Variants in RHOU observed in about 807,000 individuals in gnomAD.
RHOU encodes rho-related GTP-binding protein RhoU.
A neutral mutation model predicts 12.6 loss-of-function variants in RHOU; 8 were observed. That is an observed-to-expected ratio of 0.64 (90% CI 0.37 to 1.15). The LOEUF (loss-of-function observed/expected upper bound fraction) is 1.15. Among genes scored for constraint, RHOU ranks in the 50% most tolerant of loss-of-function variants. The pLI is 0.01. For missense variants in RHOU, 258 were observed against 347.0 expected, an observed-to-expected ratio of 0.74 and a Z score of 2.04; for synonymous variants, 161 against 147.4, an observed-to-expected ratio of 1.09 and a Z score of -0.67.
At chr1:228,732,423 C>T (rs1571886105), upstream of RHOU, among the ~76,000 whole-genome samples, 1 of 152,248 alleles carries the variant, frequency 6.6e-6, no homozygotes, top group East Asian at 1.9e-4. Flanking sequence ...AACATGGACC[C>T]AAATGAGTGG....
At chr1:228,669,145 G>T in the RHOU span, among the ~76,000 whole-genome samples, 1 of 152,204 alleles carries the variant, frequency 6.6e-6, no homozygotes, top group Non-Finnish European at 1.5e-5. Flanking sequence ...CAGGAGTTAG[G>T]TAGTACACTG....
chr1:228,736,326 T>G (rs1356804428), intron 1 of RHOU, among the ~76,000 whole-genome samples: 2 of 150,678 alleles, frequency 1.3e-5, no homozygotes, highest in African/African-American at 4.9e-5. Flanking sequence ...ACAGGTTGAG[T>G]TCAGGGTGCC....
the RHOU span, among the ~76,000 whole-genome samples, chr1:228,690,049 A>G: frequency 4.6e-5 from 7 of 152,126 alleles, no homozygotes; most frequent in Non-Finnish European, 8.8e-5. Context: ...CGCTGTTTCA[A>G]TGTGTCCTTT....
At chr1:228,712,833 AAAATAAAATAAAAT>A in the RHOU span, among the ~76,000 whole-genome samples, 5 of 70,896 alleles carry the variant, frequency 7.1e-5, no homozygotes, top group African/African-American at 3.0e-4. Context: ...ATAAATAAAT[AAAATAAAATAAAAT>A]AAAATAAAAT....
At chr1:228,649,180 A>T in the RHOU span, among the ~76,000 whole-genome samples, 1 of 152,146 alleles carries the variant, frequency 6.6e-6, no homozygotes, top group East Asian at 1.9e-4. Flanking sequence ...TACTTTTTCT[A>T]AAAGCCATGT....
chr1:228,714,425 T>C, the RHOU span, among the ~76,000 whole-genome samples: 1 of 152,210 alleles, frequency 6.6e-6, no homozygotes. Flanking sequence ...GTAGAATTTC[T>C]CTCTGAAATG....
At chr1:228,722,463 C>T in the RHOU span, among the ~76,000 whole-genome samples, 1 of 152,092 alleles carries the variant, frequency 6.6e-6, no homozygotes, top group Non-Finnish European at 1.5e-5. Context: ...GTTCAATTGC[C>T]GGCCCAATAT....
At chr1:228,657,279 C>CAAAAAAAAAAAAA in the RHOU span, among the ~76,000 whole-genome samples, 2 of 28,022 alleles carry the variant, frequency 7.1e-5, no homozygotes, top group African/African-American at 2.9e-4. Context: ...AACTCCATCT[C>CAAAAAAAAAAAAA]AAAAAAAAAA....
chr1:228,678,942 A>G, the RHOU span, among the ~76,000 whole-genome samples: 3 of 152,164 alleles, frequency 2.0e-5, no homozygotes, highest in Admixed American at 6.6e-5. Flanking sequence ...CAGAAAGGCT[A>G]CAGGGCGTGG....
At chr1:228,706,395 A>G in the RHOU span, among the ~76,000 whole-genome samples, 1 of 152,246 alleles carries the variant, frequency 6.6e-6, no homozygotes, top group African/African-American at 2.4e-5. Context: ...GTGAGGATTT[A>G]TGGACAGAAA....
At chr1:228,703,302 G>A in the RHOU span, among the ~76,000 whole-genome samples, 4 of 152,162 alleles carry the variant, frequency 2.6e-5, no homozygotes, top group East Asian at 3.9e-4. Flanking sequence ...CGAGGCGCGC[G>A]GATCATGAGG....
the RHOU span, among the ~76,000 whole-genome samples, chr1:228,718,964 G>C: frequency 6.6e-6 from 1 of 152,208 alleles, no homozygotes; most frequent in Non-Finnish European, 1.5e-5. Flanking sequence ...AGATCAAAAG[G>C]AAGTATGGCT....
In RHOU at chr1:228,737,870, C is replaced by A; in HGVS notation, c.321+139C>A. The A allele has an allele frequency of 1.1e-6, 1 of 878,906 alleles. No individual in the cohort carries two copies. The allele number at this position is 878,906 out of a possible 1,614,324, so 54.4% of individuals were successfully genotyped here. A position where few individuals can be genotyped will look rare whatever the true frequency, so the allele number is the denominator to read the frequency against. On this transcript the variant is annotated intron_variant, in intron 2 of 2. Transcript: ENST00000366691. The surrounding 1 kb of genome is among the most constrained non-coding windows in gnomAD (Gnocchi z 4.1). ...GGACCCACCCCTGCTGTTGGCCCTT[C>A]TCTGAGGGTGGGCAGGGGCCAGGTT...
At chr1:228,715,532 T>G in the RHOU span, among the ~76,000 whole-genome samples, 2 of 152,208 alleles carry the variant, frequency 1.3e-5, no homozygotes, top group Non-Finnish European at 2.9e-5. Context: ...TTATACTTTA[T>G]GGAACTTACT....
the RHOU span, among the ~76,000 whole-genome samples, chr1:228,668,657 G>A: frequency 1.3e-5 from 2 of 152,128 alleles, no homozygotes; most frequent in African/African-American, 2.4e-5. Flanking sequence ...GATTTCACAG[G>A]CACTAAATTA....
the RHOU span, among the ~76,000 whole-genome samples, chr1:228,682,408 G>A: frequency 6.6e-6 from 1 of 152,202 alleles, no homozygotes; most frequent in South Asian, 2.1e-4. Context: ...GAGCAACAAG[G>A]CTGTTTATTT....
chr1:228,738,302 C>T lies in RHOU; in HGVS notation c.321+571C>T, dbSNP rs2295256. On this transcript the variant is annotated intron_variant, in intron 2 of 2. Transcript: ENST00000366691. This position sits in a 1 kb window ranked among gnomAD's most constrained non-coding sequence, Gnocchi z 4.2. ...ACTAACTGGGCTTATTCTATCCAAA[C>T]TGTGAACGCTGGTTCTTGTCTCGAG... 0.38 allele frequency among the ~76,000 whole-genome samples: 57,150 copies of T among 152,010 alleles called. 11,946 individuals are homozygous for T. The highest frequency in any genetic ancestry group is 0.58 in the African/African-American group (24,018 of 41,424).
At chr1:228,649,566 A>G in the RHOU span, among the ~76,000 whole-genome samples, 1 of 152,230 alleles carries the variant, frequency 6.6e-6, no homozygotes, top group Non-Finnish European at 1.5e-5. Flanking sequence ...TTTGATTATC[A>G]TCCTGGTTAA....
the RHOU span, among the ~76,000 whole-genome samples, chr1:228,660,855 C>T: frequency 2.0e-5 from 3 of 151,154 alleles, no homozygotes; most frequent in South Asian, 4.2e-4. Context: ...ATTGCTTGAA[C>T]CCAGGAGGCA....
Sources: allele counts gnomAD v4.1 joint callset (sites outside exome capture counted in the v4.1 genomes callset), GRCh38; gene constraint gnomAD v4.1.1; non-coding constraint Gnocchi (gnomAD v3.1); transcripts MANE v1.5; gene names NCBI Gene and HGNC (gene_info 2026-07-23, HGNC 2026-07-21).